Variants in TRRAP observed in about 807,000 individuals in gnomAD.
TRRAP encodes transformation/transcription domain-associated protein.
TRRAP carries 41 observed loss-of-function variants against 438.8 expected under a neutral mutation model. That is an observed-to-expected ratio of 0.09 (90% CI 0.07 to 0.12). The LOEUF is 0.12. Ranked by LOEUF, TRRAP falls within the 10% of genes least tolerant of loss-of-function variation. The pLI is 1.00. For synonymous variants in TRRAP, 1,994 were observed against 1,962.9 expected, an observed-to-expected ratio of 1.02 and a Z score of -0.42; for missense variants, 3,122 against 5,055.1, an observed-to-expected ratio of 0.62 and a Z score of 11.60.
At chr7:98,925,431 G>A (rs1790003872) in intron 22 of TRRAP, among the ~76,000 whole-genome samples, 168 bp downstream of exon 22, 2 of 152,168 alleles carry the variant, frequency 1.3e-5, no homozygotes, top group South Asian at 4.2e-4. Flanking sequence ...AAAATGGAAA[G>A]GAGAACTGGG....
At chr7:98,973,242 A>G (rs1019472766) in intron 53 of TRRAP, among the ~76,000 whole-genome samples, 2 of 152,066 alleles carry the variant, frequency 1.3e-5, no homozygotes, top group Non-Finnish European at 2.9e-5. Flanking sequence ...GGCCTCCCAA[A>G]GTGCTGGGAT....
rs1454812910 is a variant in TRRAP, at chr7:98,971,922, C to G, written c.7816C>G (p.Leu2606Val). Residue 2606 changes from leucine (L) to valine (V), a missense_variant, in exon 53 of 73, where the codon CTG becomes GTG. Transcript: ENST00000456197. ...HMLTNRHDKF[L>V]DTLREVKTGA... Reference sequence around the variant, plus strand: ...GCTAACCAACAGGCACGACAAGTTTCTGGACACTCTCCGAGAGGTGAAGGT... The same window carrying G: ...GCTAACCAACAGGCACGACAAGTTTGTGGACACTCTCCGAGAGGTGAAGGT... 1.9e-5 allele frequency: 31 copies of G among 1,614,240 alleles called. No homozygotes were observed. The highest frequency in any genetic ancestry group is 2.5e-5 in the Non-Finnish European group (30 of 1,180,038).
chr7:98,881,070 C>G lies in TRRAP; in HGVS notation c.-61-20C>G. ...CCTGTGCCCTCCATAAATTGACTAA[C>G]TCTATGCTTCTTTTCATAGGCTGGT... On this transcript the variant is annotated intron_variant, in intron 1 of 72. Transcript: ENST00000456197. 8.1e-7 allele frequency: 1 copy of G among 1,235,332 alleles called. No individual in the cohort carries two copies. Among genetic ancestry groups the G allele is most frequent in the Non-Finnish European group, 1.1e-6 (1 of 882,286 alleles). The allele number at this position is 1,235,332 out of a possible 1,614,324, so 76.5% of individuals were successfully genotyped here. A position where few individuals can be genotyped will look rare whatever the true frequency, so the allele number is the denominator to read the frequency against.
intron 35 of TRRAP, 133 bp from the exon 36 acceptor site, chr7:98,949,284 C>T (rs1362320255): frequency 2.8e-6 from 3 of 1,085,818 alleles, no homozygotes; most frequent in African/African-American, 3.3e-5. Context: ...GCGTGTGGTG[C>T]TTTTTTGGTA....
chr7:98,965,937 A>G, intron 49 of TRRAP, 42 bp downstream of exon 49: 5 of 1,602,878 alleles, frequency 3.1e-6, no homozygotes, highest in Non-Finnish European at 4.3e-6. Flanking sequence ...CTTTCAATAA[A>G]AGAAAATTCA....
At chr7:98,922,099 G>GC in intron 21 of TRRAP, 146 bp downstream of exon 21, 1 of 1,149,954 alleles carries the variant, frequency 8.7e-7, no homozygotes, top group East Asian at 2.6e-5. Flanking sequence ...TGGCACAGGG[G>GC]CTTTCCTAAT....
intron 67 of TRRAP, 22 bp from the exon 68 acceptor site, chr7:99,004,168 T>G (rs1794063292): frequency 6.2e-7 from 1 of 1,601,284 alleles, no homozygotes; most frequent in African/African-American, 1.4e-5. Flanking sequence ...AAAAACGTTT[T>G]TAATCATGTT....
chr7:98,966,305 T>TG (rs1792154678), intron 49 of TRRAP, among the ~76,000 whole-genome samples: 3 of 151,460 alleles, frequency 2.0e-5, no homozygotes, highest in South Asian at 4.2e-4. Context: ...GACTCTGTCT[T>TG]GGAAAAAAAA....
Position 98,976,295 on chromosome 7 carries a change from T to C in TRRAP, c.7959+27T>C, listed in dbSNP as rs1792653891. 1.2e-6 allele frequency: 2 copies of C among 1,611,700 alleles called. No individual in the cohort carries two copies. Among genetic ancestry groups the C allele is most frequent in the African/African-American group, 2.7e-5 (2 of 74,860 alleles). On this transcript the variant is annotated intron_variant, in intron 54 of 72. Transcript: ENST00000456197. This position sits in a 1 kb window ranked among gnomAD's most constrained non-coding sequence, Gnocchi z 4.6. Reference sequence around the variant, plus strand: ...TGAGTGTATCTTTAAAATCCTGTTTTGGAAAATTGTAGTTTTAGCTTTTGG... The same window carrying C: ...TGAGTGTATCTTTAAAATCCTGTTTCGGAAAATTGTAGTTTTAGCTTTTGG...
intron 62 of TRRAP, among the ~76,000 whole-genome samples, chr7:98,987,244 A>G (rs1018812478): frequency 2.0e-5 from 3 of 152,146 alleles, no homozygotes; most frequent in Non-Finnish European, 4.4e-5. Flanking sequence ...GGTTATTTTC[A>G]TGTATTTCTG....
In TRRAP at chr7:98,908,642, T is replaced by C; in HGVS notation, c.1116-86T>C. On this transcript the variant is annotated intron_variant, in intron 13 of 72. Coordinates refer to ENST00000456197, the MANE Select transcript of TRRAP (RefSeq NM_001375524.1). The surrounding 1 kb of genome is among the most constrained non-coding windows in gnomAD (Gnocchi z 4.1). Reference sequence around the variant, plus strand: ...TGTGCCGACCCAGGGGTGGTGTTCCTGGGGCAGATGGTGATATCCTTGGTG... The same window carrying C: ...TGTGCCGACCCAGGGGTGGTGTTCCCGGGGCAGATGGTGATATCCTTGGTG... The C allele has an allele frequency of 1.6e-6, 2 of 1,261,930 alleles. No individual in the cohort carries two copies. Among genetic ancestry groups the C allele is most frequent in the Non-Finnish European group, 2.2e-6 (2 of 906,650 alleles). The allele number at this position is 1,261,930 out of a possible 1,614,324, so 78.2% of individuals were successfully genotyped here.
chr7:98,992,799 C>T (rs1033956151), intron 65 of TRRAP, among the ~76,000 whole-genome samples: 4 of 152,108 alleles, frequency 2.6e-5, no homozygotes, highest in African/African-American at 7.2e-5. Context: ...CCCTTGTTTT[C>T]AATGCTGAGT....
intron 4 of TRRAP, 29 bp from the exon 5 acceptor site, chr7:98,892,395 C>G: frequency 6.4e-7 from 1 of 1,551,420 alleles, no homozygotes; most frequent in Non-Finnish European, 8.9e-7. Context: ...GTATTTTTAT[C>G]CTTACATTTA....
intron 30 of TRRAP, among the ~76,000 whole-genome samples, chr7:98,939,614 C>G (rs895404521): frequency 1.6e-4 from 24 of 152,196 alleles, no homozygotes; most frequent in African/African-American, 5.5e-4. Context: ...ACATACACAC[C>G]TATCAGTTTC....
At chr7:99,000,132 C>T (rs1379582331) in intron 67 of TRRAP, among the ~76,000 whole-genome samples, 2 of 152,128 alleles carry the variant, frequency 1.3e-5, no homozygotes, top group Admixed American at 6.6e-5. Flanking sequence ...CTCAGCCTCC[C>T]GAGTAGCTGG....
intron 47 of TRRAP, among the ~76,000 whole-genome samples, chr7:98,963,269 C>A (rs900777815): frequency 1.3e-5 from 2 of 152,194 alleles, no homozygotes; most frequent in Non-Finnish European, 2.9e-5. Context: ...CATGGTGTCC[C>A]TTGCTCTCTT....
At chr7:98,965,661 A>C (rs375494972) in intron 48 of TRRAP, 35 bp from the exon 49 acceptor site, 2 of 1,612,292 alleles carry the variant, frequency 1.2e-6, no homozygotes, top group Non-Finnish European at 1.7e-6. Flanking sequence ...CAACGTTTAG[A>C]GACCCGTGGG....
At chr7:98,923,999 A>G (rs1160918351) in intron 21 of TRRAP, among the ~76,000 whole-genome samples, 3 of 152,182 alleles carry the variant, frequency 2.0e-5, no homozygotes, top group East Asian at 1.9e-4. Flanking sequence ...AATGATGTCA[A>G]CCTTTTTCTT....
rs111516756 is a variant in TRRAP at position 98,931,346 on chromosome 7, C to T, written c.3592-59C>T. On this transcript the variant is annotated intron_variant, in intron 25 of 72. Coordinates refer to ENST00000456197, the MANE Select transcript of TRRAP (RefSeq NM_001375524.1). ...TTATGGCAGACAGGTGTGCAGGAGA[C>T]GGCAGTTGCAGTGGGTGGCATCGCC... The T allele has an allele frequency of 5.2e-5, 82 of 1,582,516 alleles. No individual in the cohort carries two copies. In the African/African-American group the frequency reaches 5.5e-4, roughly 11 times the overall value.
Sources: allele counts gnomAD v4.1 joint callset (sites outside exome capture counted in the v4.1 genomes callset), GRCh38; gene constraint gnomAD v4.1.1; non-coding constraint Gnocchi (gnomAD v3.1); transcripts MANE v1.5; gene names NCBI Gene and HGNC (gene_info 2026-07-23, HGNC 2026-07-21).